The following SORCS2 variants were observed in gnomAD, a reference collection of about 807,000 sequenced individuals.
The protein encoded by SORCS2 is VPS10 domain-containing receptor SorCS2.
In SORCS2, 100 loss-of-function variants were observed where a neutral mutation model predicts 141.6. The observed-to-expected ratio is 0.71, with a 90% CI of 0.60 to 0.83. The LOEUF is 0.83. SORCS2 is among the 40% of genes least tolerant of loss of function. The pLI is 0.00. For missense variants in SORCS2, 1,646 were observed against 1,560.2 expected, an observed-to-expected ratio of 1.05 and a Z score of -0.93; for synonymous variants, 789 against 676.9, an observed-to-expected ratio of 1.17 and a Z score of -2.57.
At chr4:7,403,901 C>G (rs889842839) in intron 2 of SORCS2, among the ~76,000 whole-genome samples, 3 of 146,790 alleles carry the variant, frequency 2.0e-5, no homozygotes, top group South Asian at 4.3e-4. Flanking sequence ...ACTCCACCCC[C>G]CCGTACCCCA....
chr4:7,596,752 C>T (rs1455667175), intron 3 of SORCS2, among the ~76,000 whole-genome samples: 1 of 152,066 alleles, frequency 6.6e-6, no homozygotes, highest in African/African-American at 2.4e-5. Flanking sequence ...TCTCTGAGCA[C>T]CCACCAGGTA....
In SORCS2 at chr4:7,628,388, G is replaced by A. The variant is rs184568880; in HGVS notation, c.649-9940G>A. Among the ~76,000 whole-genome samples the A allele has an allele frequency of 2.5e-4, 38 of 152,158 alleles. No homozygotes were observed. The South Asian group carries it at 2.7e-3, about 11-fold the overall frequency. On this transcript the variant is annotated intron_variant, in intron 3 of 26. Coordinates refer to ENST00000507866, the MANE Select transcript of SORCS2 (RefSeq NM_020777.3). ...CAAAAAATTAGCCTGGCGTGGTGGC[G>A]GGCGCCTGTAGTCCCAGCTACTAGG...
chr4:7,697,303 C>T (rs1383311345), intron 12 of SORCS2, 29 bp downstream of exon 12: 5 of 1,543,774 alleles, frequency 3.2e-6, no homozygotes, highest in East Asian at 4.8e-5. Flanking sequence ...GCCTGGTACC[C>T]CCCACCCCAT....
At chr4:7,733,554 T>A (rs928244558) in intron 24 of SORCS2, 133 bp downstream of exon 24, 2 of 705,016 alleles carry the variant, frequency 2.8e-6, no homozygotes, top group Non-Finnish European at 2.3e-6. Flanking sequence ...CTGATGGAAC[T>A]GAGAACCCAC....
intron 3 of SORCS2, among the ~76,000 whole-genome samples, chr4:7,563,659 G>T (rs1553885000): frequency 6.6e-6 from 1 of 152,186 alleles, no homozygotes; most frequent in Non-Finnish European, 1.5e-5. Context: ...CTCCATTGAT[G>T]GGAGCCTCAC....
At chr4:7,322,002 G>C (rs1405953728) in intron 1 of SORCS2, among the ~76,000 whole-genome samples, 1 of 152,208 alleles carries the variant, frequency 6.6e-6, no homozygotes, top group Admixed American at 6.5e-5. Flanking sequence ...AGCTGGGGCT[G>C]GTTGACTTGG....
At chr4:7,312,276 G>A (rs28425724) in intron 1 of SORCS2, among the ~76,000 whole-genome samples, 40,405 of 152,088 alleles carry the variant, frequency 0.27, 5,633 homozygotes, top group East Asian at 0.43. Context: ...TGCATTTGGT[G>A]TTATAGCTAA....
At chr4:7,642,206 G>A (rs1450176777) in intron 4 of SORCS2, among the ~76,000 whole-genome samples, 2 of 152,236 alleles carry the variant, frequency 1.3e-5, no homozygotes, top group Non-Finnish European at 2.9e-5. Context: ...CCTGACTGGC[G>A]TCCCTGCATT....
At chr4:7,213,397 TG>T (rs1728160510) in intron 1 of SORCS2, among the ~76,000 whole-genome samples, 1 of 152,196 alleles carries the variant, frequency 6.6e-6, no homozygotes, top group East Asian at 1.9e-4. Context: ...GGGCTGGAGA[TG>T]GCCCTATCAC....
chr4:7,432,365 C>T (rs1327280296), intron 2 of SORCS2: 8 of 152,010 alleles, frequency 5.3e-5, no homozygotes, highest in Non-Finnish European at 5.9e-5. Flanking sequence ...TCATGAATGC[C>T]GGTCTCGGGG....
intron 3 of SORCS2, among the ~76,000 whole-genome samples, chr4:7,636,319 G>A (rs1720252418): frequency 6.6e-6 from 1 of 152,256 alleles, no homozygotes; most frequent in South Asian, 2.1e-4. Context: ...CCGCATCTCT[G>A]CGGCGCCCGG....
At chr4:7,326,750 C>T (rs1379108996) in intron 1 of SORCS2, among the ~76,000 whole-genome samples, 1 of 152,238 alleles carries the variant, frequency 6.6e-6, no homozygotes, top group African/African-American at 2.4e-5. Flanking sequence ...AGGCTGGAGG[C>T]GCTGTGACCC....
At position 7,233,038 on chromosome 4, in the gene SORCS2, T is replaced by G. The variant is rs1469761178; in HGVS notation, c.480+39912T>G. ...CTGCACTAGGAACCTCCCAGAGGCTTTCTGGGGCATGGGTCAGCTGAGCCC... is the reference window on the plus strand; with the variant it reads ...CTGCACTAGGAACCTCCCAGAGGCTGTCTGGGGCATGGGTCAGCTGAGCCC... On this transcript the variant is annotated intron_variant, in intron 1 of 26. Coordinates refer to ENST00000507866, the MANE Select transcript of SORCS2 (RefSeq NM_020777.3). The surrounding 1 kb of genome is among the most constrained non-coding windows in gnomAD (Gnocchi z 4.5). Among the ~76,000 whole-genome samples, 1 of 152,082 alleles carries G rather than the reference T, an allele frequency of 6.6e-6. No individual in the cohort carries two copies. Among genetic ancestry groups the G allele is most frequent in the Non-Finnish European group, 1.5e-5 (1 of 67,998 alleles).
chr4:7,447,368 C>T (rs73086378), intron 2 of SORCS2, among the ~76,000 whole-genome samples: 66,460 of 151,956 alleles, frequency 0.44, 16,073 homozygotes, highest in African/African-American at 0.65. Flanking sequence ...TGACAAGGGT[C>T]ACAAGTTAGA....
At chr4:7,333,626 C>T (rs1384538263) in intron 1 of SORCS2, among the ~76,000 whole-genome samples, 3 of 152,128 alleles carry the variant, frequency 2.0e-5, no homozygotes, top group African/African-American at 7.2e-5. Context: ...GGGGACTGGC[C>T]AGGCCCCTGA....
chr4:7,724,885 G>A (rs1727060284), intron 19 of SORCS2, among the ~76,000 whole-genome samples: 2 of 75,772 alleles, frequency 2.6e-5, no homozygotes, highest in African/African-American at 1.2e-4. Flanking sequence ...TGATGGTGGT[G>A]GTGTTGGTGA....
At chr4:7,539,826 C>G (rs983163187) in intron 3 of SORCS2, among the ~76,000 whole-genome samples, 1 of 151,574 alleles carries the variant, frequency 6.6e-6, no homozygotes. Flanking sequence ...GGCCCCACCC[C>G]TTCCTGTTGT....
intron 1 of SORCS2, among the ~76,000 whole-genome samples, chr4:7,204,949 C>T (rs527375796): frequency 1.8e-3 from 269 of 152,354 alleles, no homozygotes; most frequent in Non-Finnish European, 3.0e-3. Flanking sequence ...CATTTCTCTT[C>T]CTCCTCTGCT....
chr4:7,228,967 G>A (rs939195750), intron 1 of SORCS2, among the ~76,000 whole-genome samples: 45 of 152,336 alleles, frequency 3.0e-4, no homozygotes, highest in Non-Finnish European at 4.1e-4. Flanking sequence ...TGGCCAGGCC[G>A]TCCCGTCCCT....
Sources: gnomAD v4.1 joint callset for allele counts (sites outside exome capture counted in the v4.1 genomes callset) on GRCh38, gnomAD v4.1.1 for gene constraint, Gnocchi (gnomAD v3.1) non-coding constraint, MANE v1.5 for transcripts, NCBI Gene and HGNC (gene_info 2026-07-23, HGNC 2026-07-21) for gene names.